Variants in OR13A1 observed in about 807,000 individuals in gnomAD.
OR13A1 encodes olfactory receptor 13A1.
OR13A1 carries 10 observed loss-of-function variants against 7.5 expected under a neutral mutation model. That is an observed-to-expected ratio of 1.34 (90% CI 0.83 to 2.27). The LOEUF is 2.27. Ranked by LOEUF, OR13A1 falls within the 30% of genes most tolerant of loss-of-function variation. The pLI, the probability that OR13A1 is intolerant of heterozygous loss-of-function variation, is 0.00. For synonymous variants in OR13A1, 238 were observed against 177.9 expected, an observed-to-expected ratio of 1.34 and a Z score of -2.69; for missense variants, 509 against 419.1, an observed-to-expected ratio of 1.21 and a Z score of -1.87.
At chr10:45,306,266 A>G (rs1208858551) in intron 3 of OR13A1, among the ~76,000 whole-genome samples, 3 of 152,160 alleles carry the variant, frequency 2.0e-5, no homozygotes, top group Middle Eastern at 3.2e-3. Context: ...CTTCCTGGCT[A>G]ACACGGTGAA....
intron 1 of OR13A1, among the ~76,000 whole-genome samples, chr10:45,314,011 C>CA (rs1405933730): frequency 2.0e-5 from 3 of 151,840 alleles, no homozygotes; most frequent in Non-Finnish European, 2.9e-5. Context: ...TGTTATACCA[C>CA]AAAAAAACTT....
chr10:45,305,886 C>T (rs9733175), intron 3 of OR13A1, among the ~76,000 whole-genome samples: 28,416 of 152,200 alleles, frequency 0.19, 4,052 homozygotes, highest in African/African-American at 0.39. Flanking sequence ...ACACAATACA[C>T]GTCACTCCTT....
At chr10:45,313,014 C>T (rs1202171753) in intron 1 of OR13A1, among the ~76,000 whole-genome samples, 4 of 152,010 alleles carry the variant, frequency 2.6e-5, no homozygotes, top group Non-Finnish European at 4.4e-5. Context: ...AGAGACTGTA[C>T]TATGCAGTTT....
At chr10:45,311,678 AC>A (rs1317195670) in intron 1 of OR13A1, among the ~76,000 whole-genome samples, 2 of 152,242 alleles carry the variant, frequency 1.3e-5, no homozygotes, top group East Asian at 3.9e-4. Flanking sequence ...ACTGGGGCCT[AC>A]TTGAAGTTGG....
intron 3 of OR13A1, among the ~76,000 whole-genome samples, chr10:45,306,777 G>T (rs1011997161): frequency 6.6e-6 from 1 of 152,160 alleles, no homozygotes; most frequent in Admixed American, 6.5e-5. Context: ...GGAAATGATG[G>T]TGTTCCATCT....
chr10:45,305,578 C>G (rs1257626855), intron 3 of OR13A1, among the ~76,000 whole-genome samples: 1 of 152,212 alleles, frequency 6.6e-6, no homozygotes, highest in East Asian at 1.9e-4. Context: ...CATGGCTTCC[C>G]ATTGCCAAAA....
chr10:45,313,854 C>A (rs1031856825), intron 1 of OR13A1, among the ~76,000 whole-genome samples: 1 of 152,008 alleles, frequency 6.6e-6, no homozygotes, highest in Non-Finnish European at 1.5e-5. Context: ...ATGGCTAGAA[C>A]AACAAGACAG....
At position 45,304,342 on chromosome 10, in the gene OR13A1, T is replaced by C. The variant is rs1448083840; in HGVS notation, c.81A>G (p.Val27=). The C allele has an allele frequency of 2.5e-6, 4 of 1,614,140 alleles. No homozygotes were observed. Among genetic ancestry groups the C allele is most frequent in the Admixed American group, 3.3e-5 (2 of 60,016 alleles). ...AAAAGCCCTGCAGGATGAACTCGGTTACCAACGTCTGGTTACTCATCATCC... is the reference window on the plus strand; with the variant it reads ...AAAAGCCCTGCAGGATGAACTCGGTCACCAACGTCTGGTTACTCATCATCC... ...SPRMMSNQTL[V]TEFILQGFSE... Residue 27 remains valine, a synonymous_variant, in exon 4 of 4, where the codon GTA becomes GTG. Coordinates refer to ENST00000553795, the MANE Select transcript of OR13A1 (RefSeq NM_001004297.3).
downstream of OR13A1, chr10:45,302,367 A>G (rs1017021101): frequency 1.3e-5 from 2 of 152,208 alleles, no homozygotes; most frequent in African/African-American, 4.8e-5. Flanking sequence ...GGGACTCAGA[A>G]TTCACTTAGA....
intron 1 of OR13A1, among the ~76,000 whole-genome samples, chr10:45,314,954 C>T (rs1588947104): frequency 6.6e-6 from 1 of 152,246 alleles, no homozygotes; most frequent in Admixed American, 6.5e-5. Context: ...AACCGGATGA[C>T]TACCAAACAT....
At chr10:45,314,453 A>G (rs1005606325) in intron 1 of OR13A1, among the ~76,000 whole-genome samples, 1 of 151,774 alleles carries the variant, frequency 6.6e-6, no homozygotes, top group Non-Finnish European at 1.5e-5. Context: ...AAAAAAAAAA[A>G]AGAAGTAGAA....
intron 1 of OR13A1, among the ~76,000 whole-genome samples, chr10:45,309,730 T>C (rs533736652): frequency 1.3e-5 from 2 of 152,184 alleles, no homozygotes; most frequent in Non-Finnish European, 2.9e-5. Flanking sequence ...TGTATGTTTT[T>C]TCTTCCATAT....
At position 45,303,671 on chromosome 10, in the gene OR13A1, C is replaced by T. The variant is rs756153231; in HGVS notation, c.752G>A (p.Gly251Glu). 1.9e-6 allele frequency: 3 copies of T among 1,614,026 alleles called. No individual in the cohort carries two copies. The highest frequency in any genetic ancestry group is 2.7e-5 in the African/African-American group (2 of 74,912). ...GCAGGTGGAGAAGGCTTTCTGCCTC[C>T]CCCAGGCAGTCTTCACCTTCAGGAT... ...SSILKVKTAW[G>E]RQKAFSTCSS... The change falls in exon 4 of 4, where the codon GGG (glycine) becomes GAG (glutamate). Residue 251 changes from glycine to glutamate, a missense_variant. Physicochemically the swap from Gly to Glu is moderately conservative, Grantham distance 98. Coordinates refer to ENST00000553795, the MANE Select transcript of OR13A1 (RefSeq NM_001004297.3).
In OR13A1 at chr10:45,304,193, A is replaced by T. The variant is rs761766022; in HGVS notation, c.230T>A (p.Met77Lys). Residue 77 changes from methionine to lysine, a missense_variant, in exon 4 of 4, where the codon ATG (methionine) becomes AAG (lysine). Physicochemically the swap from Met to Lys is moderately conservative, Grantham distance 95 (BLOSUM62 -1). Transcript: ENST00000553795. ...AGCCAAGTTGAGTAAGAAAAAGTAC[A>T]TAGGAGCGTGGAGCCCAGGGTTGAA... ...ITFNPGLHAP[M>K]YFFLLNLATM... The T allele has an allele frequency of 3.7e-6, 6 of 1,614,218 alleles. No individual in the cohort carries two copies. The East Asian group carries it at 1.3e-4, about 36-fold the overall frequency.
At chr10:45,308,526 C>T (rs1838381721) in intron 1 of OR13A1, among the ~76,000 whole-genome samples, 1 of 152,208 alleles carries the variant, frequency 6.6e-6, no homozygotes, top group Non-Finnish European at 1.5e-5. Flanking sequence ...ATCCCACTTA[C>T]CCTGTTGTTT....
chr10:45,306,764 A>G (rs1838339042), intron 3 of OR13A1, among the ~76,000 whole-genome samples: 1 of 152,216 alleles, frequency 6.6e-6, no homozygotes, highest in Admixed American at 6.5e-5. Flanking sequence ...GATCAGAATC[A>G]ATGGAAATGA....
In OR13A1 at chr10:45,303,743, A is replaced by C. The variant is rs1166687214; in HGVS notation, c.680T>G (p.Val227Gly). 6.2e-7 allele frequency: 1 copy of C among 1,614,050 alleles called. No individual in the cohort carries two copies. Among genetic ancestry groups the C allele is most frequent in the Non-Finnish European group, 8.5e-7 (1 of 1,180,048 alleles). The change falls in exon 4 of 4, where the codon GTG (valine) becomes GGG (glycine). Residue 227 changes from valine (V) to glycine (G), a missense_variant. By Grantham distance (109) the Val-to-Gly change is moderately radical (BLOSUM62 -3). Coordinates refer to ENST00000553795, the MANE Select transcript of OR13A1 (RefSeq NM_001004297.3). ...GGACGCGATGGTCATCAGGAAGTTC[A>C]CTATGCCGTAGAAAGCATCCGCCAG... is the stretch of plus-strand genomic sequence containing the variant. ...IVLADAFYGI[V>G]NFLMTIASYG...
chr10:45,312,558 T>C (rs1207911722), intron 1 of OR13A1, among the ~76,000 whole-genome samples: 3 of 141,574 alleles, frequency 2.1e-5, no homozygotes, highest in African/African-American at 7.7e-5. Context: ...GAATTCATCA[T>C]CAGAAGATAT....
chr10:45,313,775 T>C (rs190996514), intron 1 of OR13A1, among the ~76,000 whole-genome samples: 9 of 152,202 alleles, frequency 5.9e-5, no homozygotes, highest in Admixed American at 5.2e-4. Flanking sequence ...GAAGCAAACA[T>C]TGACAGATCA....
Sources: gnomAD v4.1 joint callset for allele counts (sites outside exome capture counted in the v4.1 genomes callset) on GRCh38, gnomAD v4.1.1 for gene constraint, MANE v1.5 for transcripts, NCBI Gene and HGNC (gene_info 2026-07-23, HGNC 2026-07-21) for gene names.